RIMKLB: variants seen among roughly 807,000 people sequenced by gnomAD.
The protein encoded by RIMKLB is beta-citrylglutamate synthase B.
A neutral mutation model predicts 32.0 loss-of-function variants in RIMKLB; 7 were observed. That is an observed-to-expected ratio of 0.22 (90% CI 0.12 to 0.41). The LOEUF (loss-of-function observed/expected upper bound fraction) is 0.41, where lower values mean the gene tolerates loss of function less well. Ranked by LOEUF, RIMKLB falls within the 10% of genes least tolerant of loss-of-function variation. The probability of loss-of-function intolerance (pLI) is 1.00; values close to 1 mark genes in which losing one functional copy is unlikely to be tolerated. For missense variants in RIMKLB, 289 were observed against 498.7 expected (o/e 0.58, Z 4.00); for synonymous variants, 172 against 185.1 (o/e 0.93, Z 0.57).
At chr12:8,681,922 G>T (rs1179738269) in intron 1 of RIMKLB, 1 of 152,158 alleles carries the variant, frequency 6.6e-6, no homozygotes, top group Non-Finnish European at 1.5e-5. Flanking sequence ...TCAGTCGGAA[G>T]TACCGGGACT....
At chr12:8,682,726 C>A (rs1291591461) in intron 1 of RIMKLB, among the ~76,000 whole-genome samples, 1 of 149,998 alleles carries the variant, frequency 6.7e-6, no homozygotes, top group Non-Finnish European at 1.5e-5. Flanking sequence ...GAGCCGAGAT[C>A]GCGCCACTGC....
Position 8,774,784 on chromosome 12 carries a change from C to G in RIMKLB, c.*1000C>G. 4.1e-6 allele frequency: 4 copies of G among 985,584 alleles called. No individual in the cohort carries two copies. The highest frequency in any genetic ancestry group is 4.8e-6 in the Non-Finnish European group (4 of 829,878). 61.1% of individuals were successfully genotyped at this position (985,584 alleles called of 1,614,324 possible). On this transcript the variant is annotated 3_prime_UTR_variant, in exon 6 of 6. Transcript: ENST00000535829. ...AGGAAAAATATTTTTGGGGGCAAAT[C>G]AAGAGCCTATGAGTTCTAAGTATAA...
At chr12:8,748,985 G>A (rs1183706561) in intron 2 of RIMKLB, among the ~76,000 whole-genome samples, 2 of 151,958 alleles carry the variant, frequency 1.3e-5, no homozygotes, top group Non-Finnish European at 2.9e-5. Context: ...ATTATTTGGG[G>A]TCTTCCTAAA....
intron 4 of RIMKLB, among the ~76,000 whole-genome samples, chr12:8,752,895 C>T (rs1295091236): frequency 6.6e-6 from 1 of 151,994 alleles, no homozygotes; most frequent in African/African-American, 2.4e-5. Context: ...CATCTGCCAC[C>T]ACGCCCAGCT....
intron 2 of RIMKLB, among the ~76,000 whole-genome samples, chr12:8,715,506 G>A (rs1366730227): frequency 6.6e-6 from 1 of 152,122 alleles, no homozygotes; most frequent in African/African-American, 2.4e-5. Flanking sequence ...TTACAGGCAT[G>A]AGGCACCATG....
intron 1 of RIMKLB, among the ~76,000 whole-genome samples, chr12:8,705,428 G>C (rs1174451304): frequency 4.2e-5 from 6 of 143,814 alleles, no homozygotes; most frequent in Non-Finnish European, 8.9e-5. Flanking sequence ...AGTGAGCCAA[G>C]ATCACGTCAC....
chr12:8,740,078 A>C (rs1488485365), intron 2 of RIMKLB, among the ~76,000 whole-genome samples: 1 of 151,798 alleles, frequency 6.6e-6, no homozygotes, highest in Non-Finnish European at 1.5e-5. Flanking sequence ...GCTAATTTTT[A>C]TATTTTTAGT....
Position 8,698,951 on chromosome 12 carries a change from C to A in RIMKLB, c.-57+654C>A, listed in dbSNP as rs1943127777. On this transcript the variant is annotated intron_variant, in intron 1 of 5. Transcript: ENST00000535829. Reference sequence around the variant, plus strand: ...TGTAAATATTACACTACTTGCCCCTCACCCCCCCCCAAAAAAAACCCAAAC... The same window carrying A: ...TGTAAATATTACACTACTTGCCCCTAACCCCCCCCCAAAAAAAACCCAAAC... Among the ~76,000 whole-genome samples, 2 of 137,480 alleles carry A rather than the reference C, an allele frequency of 1.5e-5. 1 individual carries two copies. Among genetic ancestry groups the A allele is most frequent in the Admixed American group, 1.4e-4 (2 of 14,186 alleles). The allele number at this position is 137,480 out of a possible 152,430, so 90.2% of individuals were successfully genotyped here.
intron 2 of RIMKLB, among the ~76,000 whole-genome samples, chr12:8,715,782 A>G (rs1428628833): frequency 6.6e-6 from 1 of 152,238 alleles, no homozygotes; most frequent in Non-Finnish European, 1.5e-5. Context: ...ACATTAGTCA[A>G]TCACACAAAT....
At chr12:8,740,875 C>T (rs1045611999) in intron 2 of RIMKLB, among the ~76,000 whole-genome samples, 1 of 152,086 alleles carries the variant, frequency 6.6e-6, no homozygotes, top group African/African-American at 2.4e-5. Context: ...GAGTTCAAGA[C>T]CAGCCTGGCC....
chr12:8,705,882 C>T (rs1943831865), intron 1 of RIMKLB, among the ~76,000 whole-genome samples: 1 of 152,044 alleles, frequency 6.6e-6, no homozygotes, highest in Non-Finnish European at 1.5e-5. Context: ...AGGAAGAGTT[C>T]CTCCTCAGTT....
At chr12:8,723,966 C>T (rs1945733000) in intron 2 of RIMKLB, among the ~76,000 whole-genome samples, 1 of 149,930 alleles carries the variant, frequency 6.7e-6, no homozygotes, top group African/African-American at 2.5e-5. Flanking sequence ...CAGGCACGCG[C>T]CACCATGCCT....
intron 2 of RIMKLB, among the ~76,000 whole-genome samples, chr12:8,736,978 AT>A (rs1392811394): frequency 6.7e-6 from 1 of 150,348 alleles, no homozygotes; most frequent in Non-Finnish European, 1.5e-5. Context: ...CGCCCAGCTA[AT>A]TTTTTGTATT....
At chr12:8,687,176 A>G (rs749552262) in intron 1 of RIMKLB, among the ~76,000 whole-genome samples, 1 of 152,348 alleles carries the variant, frequency 6.6e-6, no homozygotes, top group South Asian at 2.1e-4. Flanking sequence ...CAGATAAACA[A>G]TATAATTTTT....
chr12:8,683,018 CT>C (rs1344381293), intron 1 of RIMKLB, among the ~76,000 whole-genome samples: 1 of 152,082 alleles, frequency 6.6e-6, no homozygotes, highest in Non-Finnish European at 1.5e-5. Flanking sequence ...AGTATGTGGA[CT>C]TTTCAGATTG....
chr12:8,747,610 CAT>C (rs1948214123), intron 2 of RIMKLB, among the ~76,000 whole-genome samples: 1 of 152,146 alleles, frequency 6.6e-6, no homozygotes, highest in African/African-American at 2.4e-5. Context: ...GAATCTGACA[CAT>C]AGTACTTAAT....
the RIMKLB span, among the ~76,000 whole-genome samples, chr12:8,670,887 A>G: frequency 6.6e-6 from 1 of 152,254 alleles, no homozygotes; most frequent in Admixed American, 6.5e-5. Context: ...CCAAACCTCA[A>G]TTCTTGACTT....
chr12:8,780,877 T>C (rs1433137470), downstream of RIMKLB: 1 of 152,252 alleles, frequency 6.6e-6, no homozygotes, highest in African/African-American at 2.4e-5. Flanking sequence ...ACTGGTAAAC[T>C]GTCATTCTTT....
rs767603419 is a variant in RIMKLB, at chr12:8,773,049, T to C, written c.698-272T>C. Reference sequence around the variant, plus strand: ...TCAAGTGGTCTAATTGTATTTATGCTGAACTTCCTTATACTTGGTTTATAT... The same window carrying C: ...TCAAGTGGTCTAATTGTATTTATGCCGAACTTCCTTATACTTGGTTTATAT... On this transcript the variant is annotated intron_variant, in intron 5 of 5. Coordinates refer to ENST00000535829, the MANE Select transcript of RIMKLB (RefSeq NM_001297776.2). 2.6e-5 allele frequency among the ~76,000 whole-genome samples: 4 copies of C among 151,888 alleles called. No homozygotes were observed. In the South Asian group the frequency reaches 8.3e-4, roughly 31 times the overall value.
Sources: allele counts gnomAD v4.1 joint callset (sites outside exome capture counted in the v4.1 genomes callset), GRCh38; gene constraint gnomAD v4.1.1; transcripts MANE v1.5; gene names NCBI Gene and HGNC (gene_info 2026-07-23, HGNC 2026-07-21).